The following SNX32 variants were observed in gnomAD, a reference collection of about 807,000 sequenced individuals.
SNX32 encodes sorting nexin 32.
In SNX32, 58 loss-of-function variants were observed where a neutral mutation model predicts 57.0. The observed-to-expected ratio is 1.02, with a 90% CI of 0.82 to 1.27. The LOEUF (loss-of-function observed/expected upper bound fraction) is 1.27, where lower values mean the gene tolerates loss of function less well. SNX32 is among the 50% of genes most tolerant of loss of function. The pLI is 0.00. For synonymous variants in SNX32, 262 were observed against 220.4 expected (o/e 1.19, Z -1.67); for missense variants, 589 against 541.2 (o/e 1.09, Z -0.88).
In SNX32 at chr11:65,853,307, C is replaced by T; in HGVS notation, c.1184C>T (p.Thr395Ile). 1.9e-6 allele frequency: 3 copies of T among 1,614,076 alleles called. No homozygotes were observed. Among genetic ancestry groups the T allele is most frequent in the Non-Finnish European group, 2.5e-6 (3 of 1,180,012 alleles). The change falls in exon 13 of 13, where the codon ACC becomes ATC. Residue 395 changes from threonine to isoleucine, a missense_variant. Coordinates refer to ENST00000308342, the MANE Select transcript of SNX32 (RefSeq NM_152760.3). ...AKASTLILRN[T>I]LVALKGEP The stretch of plus-strand genomic sequence containing the variant: ...GCCAGCACCCTGATTCTCCGGAACA[C>T]CCTTGTTGCCCTAAAGGGGGAGCCT...
At position 65,845,940 on chromosome 11, in the gene SNX32, C is replaced by A. The variant is rs564675424; in HGVS notation, c.37-3538C>A. ...AAGAACAGGGGCACAAAAGAATACACAATGCATAATTGCATTTCTGTGAAG... is the reference window on the plus strand; with the variant it reads ...AAGAACAGGGGCACAAAAGAATACAAAATGCATAATTGCATTTCTGTGAAG... On this transcript the variant is annotated intron_variant, in intron 1 of 12. Coordinates refer to ENST00000308342, the MANE Select transcript of SNX32 (RefSeq NM_152760.3). Among the ~76,000 whole-genome samples the A allele has an allele frequency of 4.9e-4, 75 of 152,332 alleles. No homozygotes were observed. The South Asian group carries it at 0.015, about 30-fold the overall frequency.
chr11:65,852,362 T>TA, intron 9 of SNX32, 103 bp from the exon 10 acceptor site: 1 of 1,032,364 alleles, frequency 9.7e-7, no homozygotes, highest in Non-Finnish European at 1.5e-6. Context: ...CTGGAACAGT[T>TA]ACCTAAGGCT....
chr11:65,851,000 G>A (rs1348560997), intron 6 of SNX32, 55 bp from the exon 7 acceptor site: 6 of 1,552,634 alleles, frequency 3.9e-6, no homozygotes, highest in Non-Finnish European at 5.3e-6. Flanking sequence ...GGGTGCCTGT[G>A]TTGTCAAGCC....
rs1048109681 is a variant in SNX32, at chr11:65,834,011, G to A, written c.-55G>A. 3.2e-5 allele frequency: 49 copies of A among 1,544,060 alleles called. 3 individuals are homozygous for A. In the South Asian group the frequency reaches 5.3e-4, roughly 17 times the overall value. On this transcript the variant is annotated 5_prime_UTR_variant, in exon 1 of 13. Coordinates refer to ENST00000308342, the MANE Select transcript of SNX32 (RefSeq NM_152760.3). The stretch of plus-strand genomic sequence containing the variant: ...GGTCAGTTCCTCGGGCGAGTTACGG[G>A]GACGACCTGCGGGAGCACGCGGGCA...
chr11:65,847,780 T>G (rs11227331), intron 1 of SNX32, among the ~76,000 whole-genome samples: 1 of 151,824 alleles, frequency 6.6e-6, no homozygotes, highest in Non-Finnish European at 1.5e-5. Context: ...AGTGGTGGCG[T>G]GTGCCTGTAA....
chr11:65,833,976 A>C lies in SNX32; in HGVS notation c.-90A>C. The stretch of plus-strand genomic sequence containing the variant: ...GAGAGCGTCCCCGTCAGCTGAGAGC[A>C]TCCTCACTCGGTCAGTTCCTCGGGC... On this transcript the variant is annotated 5_prime_UTR_variant, in exon 1 of 13. Transcript: ENST00000308342. 2 of 1,438,504 alleles carry C rather than the reference A, an allele frequency of 1.4e-6. No homozygotes were observed. Among genetic ancestry groups the C allele is most frequent in the Non-Finnish European group, 1.9e-6 (2 of 1,055,974 alleles). 89.1% of individuals were successfully genotyped at this position (1,438,504 alleles called of 1,614,324 possible).
Position 65,839,225 on chromosome 11 carries a change from ATT to A in SNX32, c.36+5145_36+5146del, listed in dbSNP as rs1168882508. Among the ~76,000 whole-genome samples, 30 of 27,642 alleles carry A rather than the reference ATT, an allele frequency of 1.1e-3. 2 individuals carry two copies. The highest frequency in any genetic ancestry group is 4.1e-3 in the African/African-American group (27 of 6,632). 18.1% of individuals were successfully genotyped at this position (27,642 alleles called of 152,430 possible). Reference sequence around the variant, plus strand: ...CACCACGCCCAGCTAATTTTTTTGTATTTTTTTTTTTTTTTTTTTTTTGAGAC... The same window carrying A: ...CACCACGCCCAGCTAATTTTTTTGTATTTTTTTTTTTTTTTTTTTTGAGAC... On this transcript the variant is annotated intron_variant, in intron 1 of 12. Coordinates refer to ENST00000308342, the MANE Select transcript of SNX32 (RefSeq NM_152760.3).
rs1355154569 is a variant in SNX32 at position 65,852,867 on chromosome 11, C to T, written c.1073-6C>T. Reference sequence around the variant, plus strand: ...GGATCCCCATGCCTCTTCCCCTCCTCTCCAGAGCTCATGGACTTCAAGTCC... The same window carrying T: ...GGATCCCCATGCCTCTTCCCCTCCTTTCCAGAGCTCATGGACTTCAAGTCC... On this transcript the variant is annotated splice_region_variant and splice_polypyrimidine_tract_variant and intron_variant, in intron 11 of 12. Coordinates refer to ENST00000308342, the MANE Select transcript of SNX32 (RefSeq NM_152760.3). 3.1e-6 allele frequency: 5 copies of T among 1,614,022 alleles called. No individual in the cohort carries two copies. In the African/African-American group the frequency reaches 6.7e-5, roughly 22 times the overall value.
At chr11:65,849,751 G>A (rs752879674) in intron 2 of SNX32, 169 bp downstream of exon 2, 11 of 768,448 alleles carry the variant, frequency 1.4e-5, no homozygotes, top group African/African-American at 5.2e-5. Context: ...CTAAGGCCCC[G>A]AGTCCTAATC....
intron 1 of SNX32, among the ~76,000 whole-genome samples, chr11:65,837,392 G>T (rs1591023223): frequency 6.6e-6 from 1 of 152,172 alleles, no homozygotes; most frequent in South Asian, 2.1e-4. Context: ...CACACCTGTG[G>T]TCCCAGCTAT....
chr11:65,852,637 T>A lies in SNX32; in HGVS notation c.920T>A (p.Leu307Gln). 1 of 1,610,122 alleles carries A rather than the reference T, an allele frequency of 6.2e-7. No homozygotes were observed. Among genetic ancestry groups the A allele is most frequent in the Non-Finnish European group, 8.5e-7 (1 of 1,178,832 alleles). ...MRDSQAAKDL[L>Q]YRRLRALADY... Reference sequence around the variant, plus strand: ...CTGTGCCCATGGTCCTAGGACCTGCTGTACCGGCGGCTGCGGGCACTGGCC... The same window carrying A: ...CTGTGCCCATGGTCCTAGGACCTGCAGTACCGGCGGCTGCGGGCACTGGCC... Residue 307 changes from leucine to glutamine, a missense_variant, in exon 11 of 13, where the codon CTG becomes CAG. Coordinates refer to ENST00000308342, the MANE Select transcript of SNX32 (RefSeq NM_152760.3).
chr11:65,849,557 A>G lies in SNX32; in HGVS notation c.116A>G (p.Lys39Arg). The G allele has an allele frequency of 6.2e-7, 1 of 1,614,226 alleles. No individual in the cohort carries two copies. The highest frequency in any genetic ancestry group is 8.5e-7 in the Non-Finnish European group (1 of 1,180,022). ...EISDAVSERDKVKFTVQTKSC... is the reference protein window; with the variant it reads ...EISDAVSERDRVKFTVQTKSC... Reference sequence around the variant, plus strand: ...TCTGACGCAGTGAGTGAGCGGGACAAGGTGAAATTCACTGTTCAAACAAAG... The same window carrying G: ...TCTGACGCAGTGAGTGAGCGGGACAGGGTGAAATTCACTGTTCAAACAAAG... The change falls in exon 2 of 13, where the codon AAG (lysine) becomes AGG (arginine). Residue 39 changes from lysine (K) to arginine (R), a missense_variant. Transcript: ENST00000308342.
At chr11:65,839,330 C>T (rs541084610) in intron 1 of SNX32, among the ~76,000 whole-genome samples, 67 of 136,384 alleles carry the variant, frequency 4.9e-4, no homozygotes, top group African/African-American at 1.4e-3. Flanking sequence ...CCCGGGTTCA[C>T]GCCATTCTCC....
intron 9 of SNX32, 50 bp from the exon 10 acceptor site, chr11:65,852,415 A>C: frequency 1.3e-6 from 2 of 1,520,092 alleles, no homozygotes; most frequent in Non-Finnish European, 1.8e-6. Flanking sequence ...CCCACCCCTT[A>C]GCTGCCCCTC....
chr11:65,852,811 C>CCAGCCT (rs1256006921), intron 11 of SNX32, 22 bp downstream of exon 11: 3 of 1,611,276 alleles, frequency 1.9e-6, no homozygotes, highest in African/African-American at 1.3e-5. Flanking sequence ...GCCCCCAGCC[C>CCAGCCT]CAGCCTGGGG....
chr11:65,849,750 C>A, intron 2 of SNX32, 168 bp downstream of exon 2: 1 of 769,776 alleles, frequency 1.3e-6, no homozygotes, highest in East Asian at 2.7e-5. Context: ...CCTAAGGCCC[C>A]GAGTCCTAAT....
chr11:65,837,328 A>G (rs77291001), intron 1 of SNX32, among the ~76,000 whole-genome samples: 2,313 of 152,278 alleles, frequency 0.015, 31 homozygotes, highest in Non-Finnish European at 0.023. Flanking sequence ...CATATTTTAA[A>G]TATAAGGACA....
At position 65,850,698 on chromosome 11, in the gene SNX32, G is replaced by C. The variant is rs990724255; in HGVS notation, c.499-53G>C. ...GCTCCGTGAGTGGCTTGCAACTTGGGGTGGGAGGTGAGAACGCCCACCCCA... is the reference window on the plus strand; with the variant it reads ...GCTCCGTGAGTGGCTTGCAACTTGGCGTGGGAGGTGAGAACGCCCACCCCA... On this transcript the variant is annotated intron_variant, in intron 5 of 12. Coordinates refer to ENST00000308342, the MANE Select transcript of SNX32 (RefSeq NM_152760.3). The C allele has an allele frequency of 1.6e-5, 26 of 1,591,014 alleles. No homozygotes were observed. The East Asian group carries it at 5.9e-4, about 36-fold the overall frequency.
At chr11:65,836,305 G>A (rs1350836294) in intron 1 of SNX32, among the ~76,000 whole-genome samples, 1 of 152,178 alleles carries the variant, frequency 6.6e-6, no homozygotes, top group African/African-American at 2.4e-5. Flanking sequence ...CACTCTGGGA[G>A]GCCAAAGCAG....
Sources: gnomAD v4.1 joint callset for allele counts (sites outside exome capture counted in the v4.1 genomes callset) on GRCh38, gnomAD v4.1.1 for gene constraint, MANE v1.5 for transcripts, NCBI Gene and HGNC (gene_info 2026-07-23, HGNC 2026-07-21) for gene names.